Variants in LONP2 observed in about 807,000 individuals in gnomAD.
The protein encoded by LONP2 is lon peptidase 2, peroxisomal.
LONP2 carries 60 observed loss-of-function variants against 85.6 expected under a neutral mutation model. The ratio of observed to expected loss-of-function variants is 0.70; its 90% confidence interval spans 0.57 to 0.87. The LOEUF (loss-of-function observed/expected upper bound fraction) is 0.87. Ranked by LOEUF, LONP2 falls within the 40% of genes least tolerant of loss-of-function variation. The pLI is 0.00. For synonymous variants in LONP2, 395 were observed against 389.7 expected (o/e 1.01, Z -0.16); for missense variants, 860 against 1,063.5 (o/e 0.81, Z 2.66).
At chr16:48,331,689 C>CGAGT (rs1188906182) in intron 11 of LONP2, among the ~76,000 whole-genome samples, 6 of 151,896 alleles carry the variant, frequency 4.0e-5, no homozygotes, top group Non-Finnish European at 7.4e-5. Context: ...CTCAGCCTCC[C>CGAGT]GAGTAGCTGG....
chr16:48,296,965 A>G (rs911881496), intron 9 of LONP2, among the ~76,000 whole-genome samples: 4 of 152,040 alleles, frequency 2.6e-5, no homozygotes, highest in African/African-American at 9.7e-5. Flanking sequence ...GAGATCAAAT[A>G]TCACTGAGTT....
chr16:48,246,830 T>G (rs1281969118), intron 1 of LONP2, among the ~76,000 whole-genome samples: 4 of 152,076 alleles, frequency 2.6e-5, no homozygotes, highest in African/African-American at 9.7e-5. Context: ...TGCTTTGGCC[T>G]CTGGAGTAGC....
At chr16:48,331,757 G>A (rs954050551) in intron 11 of LONP2, among the ~76,000 whole-genome samples, 1 of 151,906 alleles carries the variant, frequency 6.6e-6, no homozygotes, top group African/African-American at 2.4e-5. Flanking sequence ...GTAGAGACGG[G>A]GTTTCACTGT....
At chr16:48,328,902 T>C (rs543745136) in intron 11 of LONP2, among the ~76,000 whole-genome samples, 25 of 152,192 alleles carry the variant, frequency 1.6e-4, no homozygotes, top group African/African-American at 6.0e-4. Flanking sequence ...TCTATACATA[T>C]TAAGGCTTTT....
chr16:48,350,141 T>A (rs534348912), intron 14 of LONP2, among the ~76,000 whole-genome samples: 3 of 152,308 alleles, frequency 2.0e-5, no homozygotes, highest in Admixed American at 6.5e-5. Flanking sequence ...ACTCCAACAC[T>A]TTGGGAGGCC....
At chr16:48,304,446 T>C (rs1347917112) in intron 11 of LONP2, among the ~76,000 whole-genome samples, 2 of 152,138 alleles carry the variant, frequency 1.3e-5, no homozygotes, top group Non-Finnish European at 2.9e-5. Context: ...GCTCATGCCT[T>C]TGATCCCAGC....
intron 11 of LONP2, among the ~76,000 whole-genome samples, chr16:48,331,996 T>C (rs1959470621): frequency 6.6e-6 from 1 of 152,224 alleles, no homozygotes; most frequent in Non-Finnish European, 1.5e-5. Context: ...TTTTCCTTCC[T>C]GTGTCATTCA....
chr16:48,286,228 G>A (rs556463544), intron 8 of LONP2, among the ~76,000 whole-genome samples: 3 of 146,558 alleles, frequency 2.0e-5, no homozygotes, highest in Admixed American at 1.4e-4. Context: ...TGCAAGCTCC[G>A]CCTCCCAGGT....
intron 1 of LONP2, among the ~76,000 whole-genome samples, chr16:48,249,941 T>G (rs1306480527): frequency 6.6e-6 from 1 of 152,114 alleles, no homozygotes; most frequent in African/African-American, 2.4e-5. Flanking sequence ...CCCGTAATCC[T>G]AGCACTTTGG....
intron 11 of LONP2, among the ~76,000 whole-genome samples, chr16:48,321,936 A>T (rs1204670069): frequency 6.7e-6 from 1 of 149,968 alleles, no homozygotes; most frequent in African/African-American, 2.5e-5. Context: ...GTATTTTTTA[A>T]TTTTTTTCTT....
Position 48,270,097 on chromosome 16 carries a change from A to G in LONP2, c.1064A>G (p.Glu355Gly). 6.2e-7 allele frequency: 1 copy of G among 1,614,052 alleles called. No individual in the cohort carries two copies. Among genetic ancestry groups the G allele is most frequent in the Non-Finnish European group, 8.5e-7 (1 of 1,179,970 alleles). Residue 355 changes from glutamate to glycine, a missense_variant, in exon 7 of 15, where the codon GAA becomes GGA. By Grantham distance (98) the Glu-to-Gly change is moderately conservative. Transcript: ENST00000285737. ...AMEKLKKRVL[E>G]YLAVRQLKNN... Reference sequence around the variant, plus strand: ...GAAAAATTGAAGAAAAGAGTACTGGAATACTTGGCTGTCAGACAGCTCAAA... The same window carrying G: ...GAAAAATTGAAGAAAAGAGTACTGGGATACTTGGCTGTCAGACAGCTCAAA...
At chr16:48,255,795 A>C (rs1451133247) in intron 2 of LONP2, among the ~76,000 whole-genome samples, 1 of 152,064 alleles carries the variant, frequency 6.6e-6, no homozygotes, top group Non-Finnish European at 1.5e-5. Flanking sequence ...GCCTGCTACC[A>C]TGTAAGACAG....
At chr16:48,265,233 T>C (rs1470396422) in intron 6 of LONP2, among the ~76,000 whole-genome samples, 1 of 152,196 alleles carries the variant, frequency 6.6e-6, no homozygotes, top group Non-Finnish European at 1.5e-5. Flanking sequence ...TAATTTCACT[T>C]GTTCATTTTT....
downstream of LONP2, among the ~76,000 whole-genome samples, chr16:48,360,256 T>C (rs938214856): frequency 6.6e-6 from 1 of 152,250 alleles, no homozygotes; most frequent in Non-Finnish European, 1.5e-5. Flanking sequence ...GTGAATTTAT[T>C]ATATCATTGT....
chr16:48,360,829 C>T (rs1034089631), downstream of LONP2: 3 of 152,184 alleles, frequency 2.0e-5, no homozygotes, highest in Non-Finnish European at 2.9e-5. Flanking sequence ...AGAAAGAGAG[C>T]ACCTTATAGA....
rs148711053 is a variant in LONP2, at chr16:48,356,593, T to G, written c.*4791T>G. On this transcript the variant is annotated 3_prime_UTR_variant, in exon 15 of 15. Transcript: ENST00000285737. ...ATGGTCCAACACTAATGCTCATTTT[T>G]TTTGTTTGTTTTACAAACATTTGGT... is the stretch of plus-strand genomic sequence containing the variant. The G allele has an allele frequency of 1.2e-3, 310 of 262,604 alleles. 1 individual carries two copies. Among genetic ancestry groups the G allele is most frequent in the African/African-American group, 6.5e-3 (291 of 44,864 alleles). The allele number at this position is 262,604 out of a possible 1,614,324, so 16.3% of individuals were successfully genotyped here. A position where few individuals can be genotyped will look rare whatever the true frequency, so the allele number is the denominator to read the frequency against.
intron 2 of LONP2, among the ~76,000 whole-genome samples, chr16:48,254,617 C>T (rs1366680082): frequency 2.0e-5 from 3 of 152,128 alleles, no homozygotes; most frequent in African/African-American, 4.8e-5. Flanking sequence ...ACCGCCACCA[C>T]GCCCGGCCTC....
At chr16:48,270,343 C>A in intron 7 of LONP2, 69 bp downstream of exon 7, 1 of 1,526,786 alleles carries the variant, frequency 6.5e-7, no homozygotes, top group South Asian at 1.2e-5. Context: ...TCCCTAAAAG[C>A]TTAGGCATAG....
At chr16:48,283,630 C>CA (rs563850430) in intron 8 of LONP2, among the ~76,000 whole-genome samples, 3 of 151,792 alleles carry the variant, frequency 2.0e-5, no homozygotes, top group South Asian at 2.1e-4. Context: ...ACTTACCGTT[C>CA]AAAAAAAATA....
Sources: gnomAD v4.1 joint callset for allele counts (sites outside exome capture counted in the v4.1 genomes callset) on GRCh38, gnomAD v4.1.1 for gene constraint, MANE v1.5 for transcripts, NCBI Gene and HGNC (gene_info 2026-07-23, HGNC 2026-07-21) for gene names.